TENM4: variants seen among roughly 807,000 people sequenced by gnomAD.
TENM4 encodes teneurin-4.
A neutral mutation model predicts 243.3 loss-of-function variants in TENM4; 82 were observed. That is an observed-to-expected ratio of 0.34 (90% CI 0.28 to 0.40). The LOEUF (loss-of-function observed/expected upper bound fraction) is 0.40, where lower values mean the gene tolerates loss of function less well. TENM4 is among the 10% of genes least tolerant of loss of function. The pLI is 1.00. For missense variants in TENM4, 3,138 were observed against 3,673.3 expected (o/e 0.85, Z 3.77); for synonymous variants, 1,412 against 1,456.3 (o/e 0.97, Z 0.69).
chr11:79,157,959 G>A (rs1478114957), intron 3 of TENM4, among the ~76,000 whole-genome samples: 1 of 152,150 alleles, frequency 6.6e-6, no homozygotes, highest in Non-Finnish European at 1.5e-5. Context: ...TCTAACCTCT[G>A]GTGAGAGGGC....
chr11:79,258,642 G>A (rs1855740731), intron 2 of TENM4, among the ~76,000 whole-genome samples: 1 of 152,310 alleles, frequency 6.6e-6, no homozygotes, highest in East Asian at 1.9e-4. Context: ...TACTGACAGT[G>A]AATGCATTAA....
intron 12 of TENM4, among the ~76,000 whole-genome samples, chr11:78,824,705 T>C (rs1195282135): frequency 2.0e-5 from 3 of 150,528 alleles, no homozygotes; most frequent in African/African-American, 4.9e-5. Context: ...GTTTCACCAA[T>C]GTTGCCCAGG....
At chr11:79,142,679 A>G (rs1381179725) in intron 4 of TENM4, among the ~76,000 whole-genome samples, 1 of 152,146 alleles carries the variant, frequency 6.6e-6, no homozygotes, top group Non-Finnish European at 1.5e-5. Context: ...AGGCAAAGCT[A>G]TCCAAAGCAA....
At chr11:79,089,265 C>T (rs528581893) in intron 4 of TENM4, among the ~76,000 whole-genome samples, 8 of 152,344 alleles carry the variant, frequency 5.3e-5, no homozygotes, top group Non-Finnish European at 1.2e-4. Flanking sequence ...GGCCCCACAA[C>T]AGGCTAGATG....
intron 6 of TENM4, among the ~76,000 whole-genome samples, chr11:79,031,832 G>A (rs1443851698): frequency 1.3e-5 from 2 of 152,166 alleles, no homozygotes; most frequent in African/African-American, 4.8e-5. Context: ...TGCTATCCAG[G>A]GGGTCATAGA....
rs78372904 is a variant in TENM4 at position 79,226,898 on chromosome 11, G to T, written c.-264-10989C>A. The stretch of plus-strand genomic sequence containing the variant: ...GGCCAACTCAGCTTTGAACAAAAGC[G>T]GGTGGGTGGGAGTGCGCAGGCTGAA... On this transcript the variant is annotated intron_variant, in intron 2 of 33. Transcript: ENST00000278550. 1.8e-3 allele frequency among the ~76,000 whole-genome samples: 270 copies of T among 152,240 alleles called. 4 individuals are homozygous for T. The highest frequency in any genetic ancestry group is 0.013 in the Admixed American group (197 of 15,300).
At chr11:79,421,260 C>T (rs1289440783) in intron 1 of TENM4, among the ~76,000 whole-genome samples, 2 of 152,064 alleles carry the variant, frequency 1.3e-5, no homozygotes, top group East Asian at 3.9e-4. Flanking sequence ...GTCACCCCCC[C>T]TCAAAAAAAA....
chr11:79,064,633 A>C (rs1287465420), intron 6 of TENM4, 105 bp downstream of exon 6: 2 of 1,449,502 alleles, frequency 1.4e-6, no homozygotes, highest in East Asian at 5.0e-5. Flanking sequence ...GCAATTTTTC[A>C]CCAACTTCAC....
At chr11:79,036,330 C>T (rs575785409) in intron 6 of TENM4, among the ~76,000 whole-genome samples, 2 of 152,364 alleles carry the variant, frequency 1.3e-5, no homozygotes, top group East Asian at 3.9e-4. Context: ...GCATCACCAG[C>T]TATCTTTGAT....
At chr11:78,980,819 T>C (rs1776067453) in intron 6 of TENM4, among the ~76,000 whole-genome samples, 1 of 152,216 alleles carries the variant, frequency 6.6e-6, no homozygotes, top group African/African-American at 2.4e-5. Flanking sequence ...TTTGCTGTCA[T>C]TGATTTGCTA....
chr11:78,826,235 G>A (rs113104485), intron 12 of TENM4, among the ~76,000 whole-genome samples: 2 of 151,888 alleles, frequency 1.3e-5, no homozygotes, highest in South Asian at 2.1e-4. Flanking sequence ...TTACAGGCAT[G>A]TGCCACCACG....
chr11:79,181,935 T>C (rs1345872487), intron 3 of TENM4, among the ~76,000 whole-genome samples: 1 of 125,442 alleles, frequency 8.0e-6, no homozygotes, highest in Admixed American at 9.3e-5. Flanking sequence ...AAAATTCTGA[T>C]GAAAGATCAA....
intron 4 of TENM4, among the ~76,000 whole-genome samples, chr11:79,127,575 C>A (rs1435492538): frequency 6.6e-6 from 1 of 152,218 alleles, no homozygotes; most frequent in African/African-American, 2.4e-5. Context: ...GCAAGGCCAG[C>A]AATATGCTTT....
At chr11:78,766,044 T>C (rs1285292152) in intron 18 of TENM4, among the ~76,000 whole-genome samples, 1 of 152,224 alleles carries the variant, frequency 6.6e-6, no homozygotes, top group Admixed American at 6.5e-5. Flanking sequence ...TATTTTATAA[T>C]AAATATCATG....
At chr11:78,724,769 G>A (rs1855477375) in intron 23 of TENM4, among the ~76,000 whole-genome samples, 1 of 152,262 alleles carries the variant, frequency 6.6e-6, no homozygotes, top group African/African-American at 2.4e-5. Flanking sequence ...TGGCATGTAA[G>A]TAAAAGTGAT....
chr11:79,174,051 A>G (rs982177492), intron 3 of TENM4, among the ~76,000 whole-genome samples: 2 of 152,252 alleles, frequency 1.3e-5, no homozygotes, highest in African/African-American at 4.8e-5. Flanking sequence ...TATTGACATC[A>G]CATAAAAAAC....
intron 6 of TENM4, among the ~76,000 whole-genome samples, chr11:79,001,102 A>T (rs1565161744): frequency 6.6e-6 from 1 of 152,238 alleles, no homozygotes; most frequent in Admixed American, 6.5e-5. Flanking sequence ...AAATGACCCA[A>T]TCAAAAGGCT....
chr11:78,737,173 C>T (rs1855820521), intron 20 of TENM4, among the ~76,000 whole-genome samples: 1 of 152,208 alleles, frequency 6.6e-6, no homozygotes, highest in Non-Finnish European at 1.5e-5. Flanking sequence ...GGTCAGAATA[C>T]CTGTTGCCTA....
chr11:78,734,475 C>CT (rs745426294), intron 20 of TENM4, among the ~76,000 whole-genome samples: 4,242 of 140,890 alleles, frequency 0.03, 166 homozygotes, highest in African/African-American at 0.099. Flanking sequence ...ACTGTTAGAA[C>CT]TTTTTTTTTT....
Sources: allele counts gnomAD v4.1 joint callset (sites outside exome capture counted in the v4.1 genomes callset), GRCh38; gene constraint gnomAD v4.1.1; transcripts MANE v1.5; gene names NCBI Gene and HGNC (gene_info 2026-07-23, HGNC 2026-07-21).